Variants in STAG1 observed in about 807,000 individuals in gnomAD.
STAG1 encodes the protein cohesin subunit SA-1.
STAG1 carries 26 observed loss-of-function variants against 170.9 expected under a neutral mutation model. That is an observed-to-expected ratio of 0.15 (90% CI 0.11 to 0.21). The LOEUF is 0.21. Ranked by LOEUF, STAG1 falls within the 10% of genes least tolerant of loss-of-function variation. The probability of loss-of-function intolerance (pLI) is 1.00; values close to 1 mark genes in which losing one functional copy is unlikely to be tolerated. For synonymous variants in STAG1, 514 were observed against 497.7 expected, an observed-to-expected ratio of 1.03 and a Z score of -0.44; for missense variants, 964 against 1,509.5, an observed-to-expected ratio of 0.64 and a Z score of 5.99.
At chr3:136,500,060 C>T (rs1427988519) in intron 9 of STAG1, 163 bp downstream of exon 9, 8 of 546,466 alleles carry the variant, frequency 1.5e-5, no homozygotes, top group African/African-American at 3.8e-5. Context: ...AGCAGTCATA[C>T]AATTTCTTCT....
chr3:136,599,748 T>G (rs916216544), intron 4 of STAG1, among the ~76,000 whole-genome samples: 3 of 152,184 alleles, frequency 2.0e-5, no homozygotes, highest in African/African-American at 4.8e-5. Context: ...AGCAGTATTT[T>G]TCCTCAGTAA....
chr3:136,701,416 G>C (rs932963462), intron 1 of STAG1, among the ~76,000 whole-genome samples: 9 of 151,952 alleles, frequency 5.9e-5, no homozygotes, highest in African/African-American at 1.9e-4. Context: ...GTGTGTGTGT[G>C]TATAAAATCC....
At chr3:136,751,292 T>A (rs1192048398) in intron 1 of STAG1, among the ~76,000 whole-genome samples, 1 of 151,238 alleles carries the variant, frequency 6.6e-6, no homozygotes, top group East Asian at 1.9e-4. Flanking sequence ...CAAATGTGGG[T>A]AGATGGGGGT....
At chr3:136,737,085 G>C in intron 1 of STAG1, 1 of 995,820 alleles carries the variant, frequency 1.0e-6, no homozygotes, top group Non-Finnish European at 1.6e-6. Flanking sequence ...ACTGAAGTAA[G>C]AGGAACCAGG....
At chr3:136,601,584 G>A (rs1413028138) in intron 4 of STAG1, among the ~76,000 whole-genome samples, 7 of 152,150 alleles carry the variant, frequency 4.6e-5, no homozygotes, top group Non-Finnish European at 8.8e-5. Context: ...GGAGGGTGAG[G>A]CGGGCAGACC....
chr3:136,397,710 T>A (rs1009854006), intron 22 of STAG1, among the ~76,000 whole-genome samples: 6 of 152,166 alleles, frequency 3.9e-5, no homozygotes, highest in African/African-American at 1.2e-4. Flanking sequence ...AGACATTCTA[T>A]CCTGGATGGA....
At chr3:136,512,120 A>T (rs1209822843) in intron 7 of STAG1, among the ~76,000 whole-genome samples, 1 of 146,650 alleles carries the variant, frequency 6.8e-6, no homozygotes, top group Non-Finnish European at 1.5e-5. Context: ...AAAAAAAAAA[A>T]GGAAAGGAAA....
At chr3:136,651,515 T>C (rs1458124058) in intron 1 of STAG1, among the ~76,000 whole-genome samples, 5 of 152,220 alleles carry the variant, frequency 3.3e-5, no homozygotes, top group East Asian at 1.9e-4. Context: ...TAGTAAATAT[T>C]TACAAGTTAG....
intron 1 of STAG1, among the ~76,000 whole-genome samples, chr3:136,658,221 AG>A (rs1363470155): frequency 2.0e-5 from 3 of 151,938 alleles, no homozygotes; most frequent in Non-Finnish European, 4.4e-5. Flanking sequence ...AGCATTTCCA[AG>A]GGGTAATACT....
intron 1 of STAG1, among the ~76,000 whole-genome samples, chr3:136,641,130 CA>C (rs1200510056): frequency 6.6e-6 from 1 of 152,018 alleles, no homozygotes; most frequent in East Asian, 1.9e-4. Flanking sequence ...TTTACAGATA[CA>C]AAGTTGAATG....
intron 5 of STAG1, among the ~76,000 whole-genome samples, chr3:136,561,284 G>A (rs1012178283): frequency 6.6e-6 from 1 of 152,160 alleles, no homozygotes; most frequent in Non-Finnish European, 1.5e-5. Flanking sequence ...TTTTGAGTCA[G>A]TTAATTGTGA....
chr3:136,622,059 A>T (rs9858800), intron 3 of STAG1, among the ~76,000 whole-genome samples: 8,192 of 136,782 alleles, frequency 0.06, 332 homozygotes, highest in South Asian at 0.12. Flanking sequence ...GCACTTTGGG[A>T]GGCTGAGGCG....
chr3:136,652,730 G>C lies in STAG1; in HGVS notation c.-83-21749C>G, dbSNP rs541690875. Among the ~76,000 whole-genome samples the C allele has an allele frequency of 3.9e-5, 6 of 152,182 alleles. No homozygotes were observed. In the East Asian group the frequency reaches 9.6e-4, roughly 24 times the overall value. ...AAAAAATCTGTTAACATCTCCCTCC[G>C]ATAGCAATAACCAATCAGAAATTAA... On this transcript the variant is annotated intron_variant, in intron 1 of 33. Coordinates refer to ENST00000383202, the MANE Select transcript of STAG1 (RefSeq NM_005862.3).
chr3:136,473,747 G>C (rs1338303550), intron 10 of STAG1, 110 bp from the exon 11 acceptor site: 1 of 709,766 alleles, frequency 1.4e-6, no homozygotes, highest in African/African-American at 1.8e-5. Flanking sequence ...ACTGCATATT[G>C]TAATTCAACA....
At chr3:136,458,851 A>G (rs1395613814) in intron 13 of STAG1, among the ~76,000 whole-genome samples, 1 of 152,256 alleles carries the variant, frequency 6.6e-6, no homozygotes, top group African/African-American at 2.4e-5. Context: ...CCATGCACTT[A>G]GAAACCAAAA....
At chr3:136,455,115 A>C (rs2089068494) in intron 13 of STAG1, among the ~76,000 whole-genome samples, 1 of 152,216 alleles carries the variant, frequency 6.6e-6, no homozygotes, top group Non-Finnish European at 1.5e-5. Flanking sequence ...AAACTAATGG[A>C]GGCTTATCCT....
At chr3:136,455,615 G>A (rs1321819380) in intron 13 of STAG1, among the ~76,000 whole-genome samples, 1 of 152,222 alleles carries the variant, frequency 6.6e-6, no homozygotes, top group Non-Finnish European at 1.5e-5. Flanking sequence ...AGCAACTGGT[G>A]CACGGATCTT....
chr3:136,737,130 A>G, intron 1 of STAG1: 1 of 814,330 alleles, frequency 1.2e-6, no homozygotes, highest in Non-Finnish European at 2.2e-6. Flanking sequence ...TTTTCACGTT[A>G]GAACCAAGTC....
At chr3:136,731,292 G>A (rs1199689761) in intron 1 of STAG1, among the ~76,000 whole-genome samples, 1 of 151,914 alleles carries the variant, frequency 6.6e-6, no homozygotes, top group African/African-American at 2.4e-5. Context: ...TAATGCAAAG[G>A]GTGGATATTT....
Sources: allele counts gnomAD v4.1 joint callset (sites outside exome capture counted in the v4.1 genomes callset), GRCh38; gene constraint gnomAD v4.1.1; transcripts MANE v1.5; gene names NCBI Gene and HGNC (gene_info 2026-07-23, HGNC 2026-07-21).